The following ZNF366 variants were observed in gnomAD, a reference collection of about 807,000 sequenced individuals.
ZNF366 encodes zinc finger protein 366, also known as dendritic cell-specific transcript protein.
A neutral mutation model predicts 47.2 loss-of-function variants in ZNF366; 20 were observed. The observed-to-expected ratio is 0.42, with a 90% CI of 0.30 to 0.62. The LOEUF (loss-of-function observed/expected upper bound fraction) is 0.62, where lower values mean the gene tolerates loss of function less well. Ranked by LOEUF, ZNF366 falls within the 20% of genes least tolerant of loss-of-function variation. The pLI is 0.16. For synonymous variants in ZNF366, 421 were observed against 395.1 expected (o/e 1.07, Z -0.78); for missense variants, 987 against 976.3 (o/e 1.01, Z -0.15).
At chr5:72,488,022 A>G (rs995031363) in intron 1 of ZNF366, among the ~76,000 whole-genome samples, 37 of 152,068 alleles carry the variant, frequency 2.4e-4, no homozygotes, top group African/African-American at 8.9e-4. Context: ...CCTGGCCAAC[A>G]TGGTAAAACC....
At chr5:72,475,935 T>C (rs1177184320) in intron 1 of ZNF366, among the ~76,000 whole-genome samples, 1 of 152,178 alleles carries the variant, frequency 6.6e-6, no homozygotes, top group Non-Finnish European at 1.5e-5. Flanking sequence ...AGCCCTGTTG[T>C]AGCACTGAGC....
intron 1 of ZNF366, among the ~76,000 whole-genome samples, chr5:72,470,600 C>T (rs1743541590): frequency 1.3e-5 from 2 of 152,164 alleles, no homozygotes; most frequent in Admixed American, 6.5e-5. Context: ...CAGAAACTTG[C>T]CTGGTGCCTC....
At chr5:72,468,013 G>A (rs1364007579) in intron 1 of ZNF366, among the ~76,000 whole-genome samples, 2 of 152,186 alleles carry the variant, frequency 1.3e-5, no homozygotes, top group African/African-American at 2.4e-5. Flanking sequence ...ATCTCCTAGT[G>A]AGGGTCCTCT....
At chr5:72,469,993 C>T (rs551264351) in intron 1 of ZNF366, among the ~76,000 whole-genome samples, 7 of 152,198 alleles carry the variant, frequency 4.6e-5, no homozygotes, top group Middle Eastern at 3.4e-3. Flanking sequence ...TGCAGTGAGC[C>T]CTGATCATGC....
intron 1 of ZNF366, among the ~76,000 whole-genome samples, chr5:72,503,530 TACAC>T (rs34375286): frequency 0.19 from 28,823 of 148,734 alleles, 2,859 homozygotes; most frequent in East Asian, 0.37. Flanking sequence ...TGAATTCTAA[TACAC>T]ACACACACAC....
chr5:72,477,369 T>A (rs1163472538), intron 1 of ZNF366, among the ~76,000 whole-genome samples: 2 of 152,246 alleles, frequency 1.3e-5, no homozygotes, highest in East Asian at 3.8e-4. Context: ...GAGGATATGC[T>A]TTTAATGTCC....
chr5:72,472,634 T>A (rs1421778444), intron 1 of ZNF366: 1 of 886,908 alleles, frequency 1.1e-6, no homozygotes, highest in Non-Finnish European at 1.4e-6. Context: ...TTAGAAAGAT[T>A]CATAGTAATT....
At chr5:72,477,446 G>A (rs1013175150) in intron 1 of ZNF366, among the ~76,000 whole-genome samples, 4 of 152,212 alleles carry the variant, frequency 2.6e-5, no homozygotes, top group African/African-American at 4.8e-5. Context: ...AAGGAAGGAT[G>A]ACTATTCTAG....
intron 1 of ZNF366, among the ~76,000 whole-genome samples, chr5:72,504,256 C>G (rs1195585726): frequency 6.6e-6 from 1 of 152,004 alleles, no homozygotes; most frequent in Non-Finnish European, 1.5e-5. Context: ...GTCCTTTCCT[C>G]TTTAGCTGAG....
intron 1 of ZNF366, among the ~76,000 whole-genome samples, chr5:72,487,847 A>T (rs938359544): frequency 6.6e-6 from 1 of 152,180 alleles, no homozygotes. Context: ...CCTGTGGCAG[A>T]CTGCTTAGGA....
At chr5:72,450,529 C>T (rs748981478) in intron 3 of ZNF366, among the ~76,000 whole-genome samples, 1 of 152,196 alleles carries the variant, frequency 6.6e-6, no homozygotes, top group Non-Finnish European at 1.5e-5. Context: ...AGAGAAATAT[C>T]ATTACTTCAT....
In ZNF366 at chr5:72,440,970, A is replaced by G. The variant is rs1324319600; in HGVS notation, c.*2786T>C. The G allele has an allele frequency of 6.6e-6, 1 of 152,206 alleles. No individual in the cohort carries two copies. Among genetic ancestry groups the G allele is most frequent in the African/African-American group, 2.4e-5 (1 of 41,452 alleles). The allele number at this position is 152,206 out of a possible 1,614,324, so 9.4% of individuals were successfully genotyped here. On this transcript the variant is annotated 3_prime_UTR_variant, in exon 5 of 5. Coordinates refer to ENST00000318442, the MANE Select transcript of ZNF366 (RefSeq NM_152625.3). ...TTTTACTGCCTCCAAATAAAATTTT[A>G]CTTAGAATGCTAATGTATAAATCAG...
At chr5:72,461,904 T>C (rs1207117102) in intron 1 of ZNF366, among the ~76,000 whole-genome samples, 12 of 152,228 alleles carry the variant, frequency 7.9e-5, no homozygotes, top group Non-Finnish European at 1.3e-4. Context: ...TCAAGTTACA[T>C]AGGTACTCAC....
At chr5:72,495,181 C>T (rs1450708240) in intron 1 of ZNF366, among the ~76,000 whole-genome samples, 3 of 152,164 alleles carry the variant, frequency 2.0e-5, no homozygotes, top group Non-Finnish European at 4.4e-5. Flanking sequence ...AAAGAATATA[C>T]AACCTGTTAA....
At chr5:72,449,391 G>A (rs528232986) in intron 3 of ZNF366, among the ~76,000 whole-genome samples, 20 of 152,132 alleles carry the variant, frequency 1.3e-4, no homozygotes, top group African/African-American at 3.1e-4. Flanking sequence ...GACTACAGGC[G>A]CCTGGCTAAT....
intron 1 of ZNF366, among the ~76,000 whole-genome samples, chr5:72,461,837 G>A (rs1743320248): frequency 6.6e-6 from 1 of 152,102 alleles, no homozygotes; most frequent in Admixed American, 6.5e-5. Flanking sequence ...AACTCATCTG[G>A]CCATTGTCCC....
At chr5:72,479,758 T>C (rs1156515617) in intron 1 of ZNF366, among the ~76,000 whole-genome samples, 1 of 152,206 alleles carries the variant, frequency 6.6e-6, no homozygotes, top group African/African-American at 2.4e-5. Flanking sequence ...ATCTGGCTTA[T>C]TTAAGTTGCA....
At chr5:72,494,996 T>G (rs1744083793) in intron 1 of ZNF366, among the ~76,000 whole-genome samples, 1 of 152,142 alleles carries the variant, frequency 6.6e-6, no homozygotes, top group South Asian at 2.1e-4. Flanking sequence ...TGCCTTCACA[T>G]TTTCAGGAGG....
intron 1 of ZNF366, among the ~76,000 whole-genome samples, chr5:72,486,751 C>T (rs1743898796): frequency 1.3e-5 from 2 of 151,980 alleles, no homozygotes; most frequent in Non-Finnish European, 2.9e-5. Context: ...TTGTTACTGC[C>T]TGGCTTATAT....
Sources: allele counts gnomAD v4.1 joint callset (sites outside exome capture counted in the v4.1 genomes callset), GRCh38; gene constraint gnomAD v4.1.1; transcripts MANE v1.5; gene names NCBI Gene and HGNC (gene_info 2026-07-23, HGNC 2026-07-21).